The following PRELID2 variants were observed in gnomAD, a reference collection of about 807,000 sequenced individuals.
PRELID2 encodes PRELI domain containing 2.
A neutral mutation model predicts 28.4 loss-of-function variants in PRELID2; 25 were observed. That is an observed-to-expected ratio of 0.88 (90% CI 0.64 to 1.23). The LOEUF is 1.23. Among genes scored for constraint, PRELID2 ranks in the 50% most tolerant of loss-of-function variants. The probability of loss-of-function intolerance (pLI) is 0.00; values close to 1 mark genes in which losing one functional copy is unlikely to be tolerated. For missense variants in PRELID2, 201 were observed against 214.4 expected (o/e 0.94, Z 0.39); for synonymous variants, 76 against 71.6 (o/e 1.06, Z -0.31).
chr5:145,431,343 A>G, the PRELID2 span, among the ~76,000 whole-genome samples: 13 of 152,138 alleles, frequency 8.5e-5, no homozygotes, highest in South Asian at 1.2e-3. Flanking sequence ...CATATTGAAT[A>G]AACTAGGAAA....
chr5:145,607,691 C>A (rs1013565997), intron 1 of PRELID2, among the ~76,000 whole-genome samples: 1 of 151,920 alleles, frequency 6.6e-6, no homozygotes. Context: ...GTGTATGCCA[C>A]ATGCAGATGG....
rs371445838 is a variant in PRELID2, at chr5:145,513,883, T to A, written n.71-40568A>T. On this transcript the variant is annotated intron_variant and non_coding_transcript_variant, in intron 1 of 2. Transcript: ENST00000510259. ...AGAATTTTCAACCCAGAATTTCATA[T>A]CCAGCCAAATTAAGCTTCATAAGCG... 1.1e-4 allele frequency among the ~76,000 whole-genome samples: 16 copies of A among 152,168 alleles called. 1 individual carries two copies. In the South Asian group the frequency reaches 2.9e-3, roughly 28 times the overall value.
At chr5:145,644,104 G>A (rs1754154873) in intron 1 of PRELID2, among the ~76,000 whole-genome samples, 1 of 152,218 alleles carries the variant, frequency 6.6e-6, no homozygotes, top group Admixed American at 6.5e-5. Context: ...GCTCCTCTTT[G>A]TGCCTCTGGT....
At chr5:145,730,256 T>C (rs1229598567) in intron 1 of PRELID2, among the ~76,000 whole-genome samples, 1 of 152,132 alleles carries the variant, frequency 6.6e-6, no homozygotes, top group Non-Finnish European at 1.5e-5. Flanking sequence ...CCTCAGCTTC[T>C]CCCAACACTC....
At chr5:145,619,030 C>T (rs539900953) in intron 1 of PRELID2, among the ~76,000 whole-genome samples, 17 of 152,266 alleles carry the variant, frequency 1.1e-4, no homozygotes, top group Admixed American at 1.0e-3. Context: ...TCACTCCCAC[C>T]ATACCCCCGC....
At chr5:145,697,209 T>C (rs991245659) in intron 1 of PRELID2, among the ~76,000 whole-genome samples, 1 of 151,548 alleles carries the variant, frequency 6.6e-6, no homozygotes, top group Non-Finnish European at 1.5e-5. Flanking sequence ...ATGGTATACA[T>C]ATGTGTGATA....
chr5:145,523,456 C>G (rs1217407496), intron 1 of PRELID2, among the ~76,000 whole-genome samples: 1 of 152,108 alleles, frequency 6.6e-6, no homozygotes, highest in African/African-American at 2.4e-5. Flanking sequence ...GTAACAAATA[C>G]CACACACTGG....
chr5:145,789,978 C>A (rs1330165302), intron 5 of PRELID2, among the ~76,000 whole-genome samples: 4 of 151,998 alleles, frequency 2.6e-5, no homozygotes, highest in Non-Finnish European at 5.9e-5. Flanking sequence ...TGGCTGATAT[C>A]AAAAAGATGA....
the PRELID2 span, among the ~76,000 whole-genome samples, chr5:145,277,351 G>A: frequency 2.0e-5 from 3 of 152,286 alleles, no homozygotes; most frequent in East Asian, 1.9e-4. Context: ...TATGTTTTGT[G>A]ATATAGAATA....
At chr5:145,603,111 T>C (rs1458362169) in intron 1 of PRELID2, among the ~76,000 whole-genome samples, 2 of 151,768 alleles carry the variant, frequency 1.3e-5, no homozygotes, top group African/African-American at 2.4e-5. Flanking sequence ...GAGAACATGA[T>C]GAGAAGACCT....
At chr5:145,787,628 C>T (rs1328768589) in intron 5 of PRELID2, among the ~76,000 whole-genome samples, 2 of 151,862 alleles carry the variant, frequency 1.3e-5, no homozygotes, top group Non-Finnish European at 2.9e-5. Flanking sequence ...GCAGCCTTTA[C>T]CTCCCAGCTC....
the PRELID2 span, among the ~76,000 whole-genome samples, chr5:145,290,784 G>A: frequency 1.3e-5 from 2 of 151,224 alleles, no homozygotes; most frequent in East Asian, 1.9e-4. Context: ...CGGTATATTT[G>A]GGATACAATA....
intron 1 of PRELID2, among the ~76,000 whole-genome samples, chr5:145,668,948 C>T (rs1208141024): frequency 6.6e-6 from 1 of 152,056 alleles, no homozygotes; most frequent in Non-Finnish European, 1.5e-5. Context: ...CTCAGCTCCC[C>T]CTTTCACAGG....
intron 4 of PRELID2, among the ~76,000 whole-genome samples, chr5:145,813,962 G>T (rs146973534): frequency 3.3e-5 from 5 of 152,296 alleles, no homozygotes; most frequent in African/African-American, 9.6e-5. Context: ...AACACTGTTT[G>T]TAAGAGCAAA....
chr5:145,369,957 T>TG, the PRELID2 span, among the ~76,000 whole-genome samples: 2 of 141,520 alleles, frequency 1.4e-5, no homozygotes, highest in South Asian at 4.8e-4. Flanking sequence ...CACGTTTTAA[T>TG]GGGTTTTTTT....
chr5:145,436,422 C>T, the PRELID2 span, among the ~76,000 whole-genome samples: 5 of 151,918 alleles, frequency 3.3e-5, no homozygotes, highest in Admixed American at 6.6e-5. Context: ...TATGGTAGAA[C>T]CATTTACATT....
At chr5:145,246,128 T>C in the PRELID2 span, among the ~76,000 whole-genome samples, 1 of 152,122 alleles carries the variant, frequency 6.6e-6, no homozygotes, top group Non-Finnish European at 1.5e-5. Flanking sequence ...ATAAACCTGG[T>C]AAATGGGAGG....
chr5:145,528,245 C>T (rs1486124837), intron 1 of PRELID2, among the ~76,000 whole-genome samples: 2 of 152,166 alleles, frequency 1.3e-5, no homozygotes, highest in Non-Finnish European at 2.9e-5. Flanking sequence ...TTGTCATATG[C>T]TGCTCCACTA....
At chr5:145,397,511 A>G in the PRELID2 span, among the ~76,000 whole-genome samples, 1 of 152,208 alleles carries the variant, frequency 6.6e-6, no homozygotes, top group Non-Finnish European at 1.5e-5. Flanking sequence ...AATACATTGC[A>G]TCTTGCATCT....
Sources: allele counts gnomAD v4.1 joint callset (sites outside exome capture counted in the v4.1 genomes callset), GRCh38; gene constraint gnomAD v4.1.1; transcripts MANE v1.5; gene names NCBI Gene and HGNC (gene_info 2026-07-23, HGNC 2026-07-21).